The following RANBP2 variants were observed in gnomAD, a reference collection of about 807,000 sequenced individuals.
RANBP2 encodes RAN binding protein 2, also known as E3 SUMO-protein ligase RanBP2.
In RANBP2, 57 loss-of-function variants were observed where a neutral mutation model predicts 303.6. That is an observed-to-expected ratio of 0.19 (90% CI 0.15 to 0.23). RANBP2 has a LOEUF of 0.23. Ranked by LOEUF, RANBP2 falls within the 10% of genes least tolerant of loss-of-function variation. RANBP2 has a pLI of 1.00. For synonymous variants in RANBP2, 1,167 were observed against 1,301.5 expected, an observed-to-expected ratio of 0.90 and a Z score of 2.23; for missense variants, 3,138 against 3,780.8, an observed-to-expected ratio of 0.83 and a Z score of 4.46.
the RANBP2 span, among the ~76,000 whole-genome samples, chr2:109,553,451 G>GGA: frequency 6.6e-6 from 1 of 151,888 alleles, no homozygotes; most frequent in African/African-American, 2.4e-5. Flanking sequence ...GGCTGAGGTG[G>GGA]GAGAATCACC....
the RANBP2 span, among the ~76,000 whole-genome samples, chr2:108,926,698 G>A: frequency 4.6e-5 from 7 of 152,142 alleles, no homozygotes; most frequent in Admixed American, 6.5e-5. Context: ...GGAAAGCCTC[G>A]GGTGCTGCTC....
chr2:109,489,413 C>G, the RANBP2 span, among the ~76,000 whole-genome samples: 1 of 152,366 alleles, frequency 6.6e-6, no homozygotes, highest in East Asian at 1.9e-4. Flanking sequence ...TGCTCTTAGA[C>G]AACCAGACCC....
chr2:109,272,630 G>A, the RANBP2 span, among the ~76,000 whole-genome samples: 6 of 152,216 alleles, frequency 3.9e-5, no homozygotes, highest in African/African-American at 9.6e-5. Flanking sequence ...ACATGCTTCC[G>A]CACAGACACA....
At chr2:109,018,860 C>T in the RANBP2 span, among the ~76,000 whole-genome samples, 1 of 152,220 alleles carries the variant, frequency 6.6e-6, no homozygotes, top group Non-Finnish European at 1.5e-5. Context: ...ACATTTCTTT[C>T]CCAGTAAAGT....
the RANBP2 span, among the ~76,000 whole-genome samples, chr2:109,211,255 G>T: frequency 6.6e-6 from 1 of 152,220 alleles, no homozygotes; most frequent in Non-Finnish European, 1.5e-5. Flanking sequence ...AGCTGGCTAG[G>T]TGGTGAGGGG....
At chr2:108,756,414 T>G (rs1676319930) in intron 17 of RANBP2, among the ~76,000 whole-genome samples, 1 of 152,242 alleles carries the variant, frequency 6.6e-6, no homozygotes, top group Non-Finnish European at 1.5e-5. Context: ...GGTTCTTTCA[T>G]GTTTATCAGG....
chr2:109,279,442 C>A, the RANBP2 span, among the ~76,000 whole-genome samples: 1 of 152,182 alleles, frequency 6.6e-6, no homozygotes, highest in African/African-American at 2.4e-5. Context: ...TCTACTGGGT[C>A]TTCCTCCACC....
chr2:108,746,009 T>C (rs1424416498), intron 7 of RANBP2, among the ~76,000 whole-genome samples: 7 of 151,530 alleles, frequency 4.6e-5, no homozygotes, highest in African/African-American at 1.7e-4. Context: ...TGGATTTAAG[T>C]GATCCTCCTG....
chr2:108,896,763 G>A, the RANBP2 span: 35 of 775,328 alleles, frequency 4.5e-5, no homozygotes, highest in South Asian at 2.4e-4. Context: ...GCCTTATTTC[G>A]TCTGGCTCCT....
chr2:109,436,923 G>A, the RANBP2 span: 1 of 1,613,662 alleles, frequency 6.2e-7, no homozygotes. Context: ...GGCCGCCCCG[G>A]AATAATGTAG....
the RANBP2 span, among the ~76,000 whole-genome samples, chr2:109,349,719 C>A: frequency 6.6e-6 from 1 of 152,238 alleles, no homozygotes; most frequent in Non-Finnish European, 1.5e-5. Context: ...TCGGGAGAAC[C>A]CACTGTGAAC....
At chr2:109,546,083 C>T in the RANBP2 span, 4 of 1,601,998 alleles carry the variant, frequency 2.5e-6, no homozygotes, top group Non-Finnish European at 3.4e-6. Context: ...CAGGTTGCTG[C>T]CTGTTGCCAG....
the RANBP2 span, among the ~76,000 whole-genome samples, chr2:109,725,320 G>C: frequency 1.3e-5 from 2 of 152,198 alleles, no homozygotes; most frequent in Non-Finnish European, 2.9e-5. Context: ...CACTCCACAG[G>C]GTGAGGGTCT....
chr2:109,162,184 A>G, the RANBP2 span, among the ~76,000 whole-genome samples: 1 of 152,192 alleles, frequency 6.6e-6, no homozygotes, highest in Non-Finnish European at 1.5e-5. Flanking sequence ...CAGGACAGAT[A>G]CCATGGACCT....
At chr2:109,577,693 G>T in the RANBP2 span, among the ~76,000 whole-genome samples, 1 of 151,374 alleles carries the variant, frequency 6.6e-6, no homozygotes, top group Non-Finnish European at 1.5e-5. Flanking sequence ...TGAGAAGATC[G>T]CTTGAGGCCA....
chr2:109,124,541 C>G, the RANBP2 span: 1 of 152,196 alleles, frequency 6.6e-6, no homozygotes, highest in African/African-American at 2.4e-5. Context: ...GAACTCCTGA[C>G]CTCAGGTGAT....
the RANBP2 span, chr2:109,432,630 CT>C: frequency 1.2e-6 from 2 of 1,613,042 alleles, no homozygotes; most frequent in Non-Finnish European, 1.7e-6. Context: ...GGACCGGGGT[CT>C]CTGGGGTGTT....
the RANBP2 span, among the ~76,000 whole-genome samples, chr2:109,114,752 T>G: frequency 0.012 from 1,883 of 152,186 alleles, 10 homozygotes; most frequent in Middle Eastern, 0.024. Flanking sequence ...TCTTTCCTGC[T>G]TTCTCTTGTG....
At chr2:108,909,759 G>C in the RANBP2 span, among the ~76,000 whole-genome samples, 46 of 152,304 alleles carry the variant, frequency 3.0e-4, 1 homozygote, top group African/African-American at 1.0e-3. Flanking sequence ...TTAGAGCAGG[G>C]GCTGGTTCCA....
Sources: gnomAD v4.1 joint callset for allele counts (sites outside exome capture counted in the v4.1 genomes callset) on GRCh38, gnomAD v4.1.1 for gene constraint, MANE v1.5 for transcripts, NCBI Gene and HGNC (gene_info 2026-07-23, HGNC 2026-07-21) for gene names.